NEBL: variants seen among roughly 807,000 people sequenced by gnomAD.
NEBL encodes LIM and SH3 protein 2.
In NEBL, 122 loss-of-function variants were observed where a neutral mutation model predicts 140.2. That is an observed-to-expected ratio of 0.87 (90% confidence interval 0.75 to 1.01). The LOEUF (loss-of-function observed/expected upper bound fraction) is 1.01. NEBL is among the 50% of genes least tolerant of loss of function. The pLI, the probability that NEBL is intolerant of heterozygous loss-of-function variation, is 0.00. For missense variants in NEBL, 1,365 were observed against 1,231.3 expected (o/e 1.11, Z -1.62); for synonymous variants, 436 against 398.9 (o/e 1.09, Z -1.11).
rs903558595 is a variant in NEBL at position 21,029,028 on chromosome 10, G to A, written c.165-8827C>T. 3.8e-6 allele frequency: 3 copies of A among 793,976 alleles called. No individual in the cohort carries two copies. In the African/African-American group the frequency reaches 5.2e-5, roughly 14 times the overall value. 49.2% of individuals were successfully genotyped at this position (793,976 alleles called of 1,614,324 possible). On this transcript the variant is annotated intron_variant, in intron 2 of 6. Transcript: ENST00000417816. ...CGGCCTCAGCAAAAAAGACGAATAAGAAGAGGAAAACTATCTCCCTAACAG... is the reference window on the plus strand; with the variant it reads ...CGGCCTCAGCAAAAAAGACGAATAAAAAGAGGAAAACTATCTCCCTAACAG...
intron 20 of NEBL, chr10:20,818,893 CT>C (rs1838994377): frequency 1.0e-6 from 1 of 984,064 alleles, no homozygotes; most frequent in African/African-American, 1.8e-5. Flanking sequence ...AAAACTTTTC[CT>C]TTTTAAATTT....
chr10:21,247,609 C>T (rs1170275643), intron 3 of NEBL: 1 of 152,158 alleles, frequency 6.6e-6, no homozygotes, highest in Non-Finnish European at 1.5e-5. Flanking sequence ...AAATCTGTTC[C>T]CATTAAGCAA....
At position 20,823,277 on chromosome 10, in the gene NEBL, T is replaced by C. The variant is rs532807680; in HGVS notation, c.1893A>G (p.Lys631=). 5.6e-6 allele frequency: 9 copies of C among 1,608,332 alleles called. No homozygotes were observed. In the African/African-American group the frequency reaches 6.7e-5, roughly 12 times the overall value. ...GAGGATCAGAAATGGCTGTTGCATG[T>C]TTAATCTCTTCTTTGTATTTCACCT... is the stretch of plus-strand genomic sequence containing the variant. The part of the protein sequence containing the change: ...ISSVKYKEEI[K]HATAISDPPE... The change falls in exon 19 of 28, where the codon AAA becomes AAG. Residue 631 remains lysine (K), a synonymous_variant. Transcript: ENST00000377122.
Position 21,273,151 on chromosome 10 carries a change from G to A in NEBL, n.182+19679C>T, listed in dbSNP as rs529732562. On this transcript the variant is annotated intron_variant and non_coding_transcript_variant, in intron 1 of 8. Coordinates refer to the NEBL transcript ENST00000675702. ...TGGGAGCTTGTGGGCCCTCGGAGGAGGTTAATAGAAGGGCAGTTTGTGGGG... is the reference window on the plus strand; with the variant it reads ...TGGGAGCTTGTGGGCCCTCGGAGGAAGTTAATAGAAGGGCAGTTTGTGGGG... Among the ~76,000 whole-genome samples the A allele has an allele frequency of 4.6e-5, 7 of 152,232 alleles. No homozygotes were observed. The East Asian group carries it at 1.2e-3, about 25-fold the overall frequency.
At chr10:21,010,481 T>C (rs895959064) in intron 3 of NEBL, among the ~76,000 whole-genome samples, 1 of 151,630 alleles carries the variant, frequency 6.6e-6, no homozygotes, top group Admixed American at 6.6e-5. Flanking sequence ...CTCAAACTCC[T>C]GGCCTCAAGC....
intron 3 of NEBL, among the ~76,000 whole-genome samples, chr10:21,005,330 T>C (rs1838092759): frequency 6.6e-6 from 1 of 152,138 alleles, no homozygotes; most frequent in African/African-American, 2.4e-5. Flanking sequence ...CCCCAGCTGG[T>C]CAAATTGGCC....
At chr10:21,241,268 A>AT (rs1842435594) in intron 3 of NEBL, among the ~76,000 whole-genome samples, 1 of 151,148 alleles carries the variant, frequency 6.6e-6, no homozygotes, top group Admixed American at 6.6e-5. Flanking sequence ...AAATAAATAA[A>AT]TAAATAAATA....
chr10:21,200,308 CTTT>C (rs10671099), intron 3 of NEBL, among the ~76,000 whole-genome samples: 3 of 81,952 alleles, frequency 3.7e-5, no homozygotes, highest in Non-Finnish European at 6.3e-5. Flanking sequence ...TTCCAAGGGA[CTTT>C]TTTTTTTTTT....
intron 2 of NEBL, among the ~76,000 whole-genome samples, chr10:21,055,498 C>T (rs901961916): frequency 1.3e-5 from 2 of 152,064 alleles, no homozygotes; most frequent in African/African-American, 2.4e-5. Flanking sequence ...TAAATGAAAA[C>T]CCACCCACCT....
At chr10:21,264,696 TAAAAAAAAAAAAAAAAAAAAAAAA>T (rs71392177) in intron 1 of NEBL, among the ~76,000 whole-genome samples, 7 of 30,686 alleles carry the variant, frequency 2.3e-4, no homozygotes, top group Admixed American at 9.3e-4. Context: ...AGTTGCTATT[TAAAAAAAAAAAAAAAAAAAAAAAA>T]AAAAAAAAAA....
intron 3 of NEBL, among the ~76,000 whole-genome samples, chr10:20,993,873 C>T (rs1173322755): frequency 2.0e-5 from 3 of 152,204 alleles, no homozygotes; most frequent in Admixed American, 6.5e-5. Context: ...AACTAACTCT[C>T]TAAAGAATAT....
intron 3 of NEBL, among the ~76,000 whole-genome samples, chr10:21,208,613 G>A (rs1282628605): frequency 6.6e-6 from 1 of 152,176 alleles, no homozygotes; most frequent in Non-Finnish European, 1.5e-5. Flanking sequence ...CATGAAATGA[G>A]AGGGATCTAC....
chr10:21,093,770 T>C (rs570027913), intron 2 of NEBL, among the ~76,000 whole-genome samples: 1 of 152,364 alleles, frequency 6.6e-6, no homozygotes, highest in Admixed American at 6.5e-5. Flanking sequence ...AAAAATCTAC[T>C]GCTTCGTAAA....
At chr10:21,139,996 A>C (rs567054917) in intron 2 of NEBL, among the ~76,000 whole-genome samples, 2,122 of 151,486 alleles carry the variant, frequency 0.014, 55 homozygotes, top group African/African-American at 0.048. Flanking sequence ...ACAAAAAAAA[A>C]AAAAAAAAAA....
chr10:21,030,894 C>T (rs955043409), intron 2 of NEBL: 1 of 265,284 alleles, frequency 3.8e-6, no homozygotes, highest in Non-Finnish European at 7.4e-6. Flanking sequence ...ACTCACCAAT[C>T]AAAAATGGTA....
Position 20,795,019 on chromosome 10 carries a change from C to T in NEBL, c.2762-7711G>A, listed in dbSNP as rs552825650. Among the ~76,000 whole-genome samples, 5 of 152,288 alleles carry T rather than the reference C, an allele frequency of 3.3e-5. No individual in the cohort carries two copies. In the South Asian group the frequency reaches 1.0e-3, roughly 32 times the overall value. On this transcript the variant is annotated intron_variant, in intron 26 of 27. Transcript: ENST00000377122. Reference sequence around the variant, plus strand: ...CCAGAATTTAATGCCAAAAATCTGACTTCAGAACCCAAACTCTTGACTATA... The same window carrying T: ...CCAGAATTTAATGCCAAAAATCTGATTTCAGAACCCAAACTCTTGACTATA...
chr10:20,859,679 T>A (rs748749393), intron 8 of NEBL, 34 bp downstream of exon 8: 7 of 1,374,696 alleles, frequency 5.1e-6, no homozygotes, highest in Non-Finnish European at 7.2e-6. Flanking sequence ...AATCAAAAGA[T>A]TTTGAAAATA....
chr10:21,169,985 G>C (rs936622917), intron 2 of NEBL, among the ~76,000 whole-genome samples: 1 of 152,022 alleles, frequency 6.6e-6, no homozygotes, highest in East Asian at 1.9e-4. Context: ...ACATCTCAAC[G>C]TTTCTGGGCA....
Position 21,219,823 on chromosome 10 carries a change from AT to A in NEBL, n.348+28097del, listed in dbSNP as rs780648991. 1.0e-3 allele frequency among the ~76,000 whole-genome samples: 143 copies of A among 136,472 alleles called. 1 individual carries two copies. The highest frequency in any genetic ancestry group is 1.2e-3 in the Non-Finnish European group (76 of 62,572). 89.5% of individuals were successfully genotyped at this position (136,472 alleles called of 152,430 possible). Reference sequence around the variant, plus strand: ...TCACCTTGGTTTAATTTATTCCTCAATTTTTTGTGCTATTGTAAATGAGATT... The same window carrying A: ...TCACCTTGGTTTAATTTATTCCTCAATTTTTGTGCTATTGTAAATGAGATT... On this transcript the variant is annotated intron_variant and non_coding_transcript_variant, in intron 3 of 8. Coordinates refer to the NEBL transcript ENST00000675702.
Sources: gnomAD v4.1 joint callset for allele counts (sites outside exome capture counted in the v4.1 genomes callset) on GRCh38, gnomAD v4.1.1 for gene constraint, MANE v1.5 for transcripts, NCBI Gene and HGNC (gene_info 2026-07-23, HGNC 2026-07-21) for gene names.